The following SLTM variants were observed in gnomAD, a reference collection of about 807,000 sequenced individuals.
SLTM encodes the protein SAFB like transcription modulator, also known as SAFB-like transcription modulator.
In SLTM, 43 loss-of-function variants were observed where a neutral mutation model predicts 134.6. That is an observed-to-expected ratio of 0.32 (90% confidence interval 0.25 to 0.41). SLTM has a LOEUF of 0.41. Ranked by LOEUF, SLTM falls within the 10% of genes least tolerant of loss-of-function variation. The probability of loss-of-function intolerance (pLI) is 1.00; values close to 1 mark genes in which losing one functional copy is unlikely to be tolerated. For missense variants in SLTM, 1,055 were observed against 1,288.8 expected, an observed-to-expected ratio of 0.82 and a Z score of 2.78; for synonymous variants, 424 against 432.3, an observed-to-expected ratio of 0.98 and a Z score of 0.24.
intron 1 of SLTM, among the ~76,000 whole-genome samples, chr15:58,932,826 TC>T (rs1196187369): frequency 9.8e-5 from 15 of 152,306 alleles, no homozygotes; most frequent in African/African-American, 3.6e-4. Flanking sequence ...ATTCCAACGC[TC>T]ACTCAAACCA....
intron 19 of SLTM, among the ~76,000 whole-genome samples, chr15:58,886,330 C>T (rs1486027020): frequency 6.7e-6 from 1 of 149,094 alleles, no homozygotes; most frequent in East Asian, 2.0e-4. Context: ...GCAGTGGCAC[C>T]ATCTTGGCTC....
At position 58,933,575 on chromosome 15, in the gene SLTM, G is replaced by C. The variant is rs764407403; in HGVS notation, c.-10C>G. On this transcript the variant is annotated 5_prime_UTR_variant, in exon 1 of 21. Transcript: ENST00000380516. Reference sequence around the variant, plus strand: ...CGGTAGCGGCAGCCATCTTAGAAGAGCAGCGCGCTGCCGAGGCAGCGAGTG... The same window carrying C: ...CGGTAGCGGCAGCCATCTTAGAAGACCAGCGCGCTGCCGAGGCAGCGAGTG... 2 of 1,571,040 alleles carry C rather than the reference G, an allele frequency of 1.3e-6. No homozygotes were observed. Among genetic ancestry groups the C allele is most frequent in the Admixed American group, 1.8e-5 (1 of 54,862 alleles).
chr15:58,895,521 G>T (rs1185679890), intron 9 of SLTM, among the ~76,000 whole-genome samples: 3 of 152,266 alleles, frequency 2.0e-5, no homozygotes, highest in South Asian at 2.1e-4. Context: ...ACATAAAGCT[G>T]GGAAGAAGTA....
chr15:58,896,554 G>C (rs1347171825), intron 9 of SLTM, among the ~76,000 whole-genome samples: 2 of 151,536 alleles, frequency 1.3e-5, no homozygotes, highest in African/African-American at 4.8e-5. Flanking sequence ...CAGTGAGACT[G>C]TGTCTCAAAA....
intron 3 of SLTM, among the ~76,000 whole-genome samples, chr15:58,914,990 G>A (rs1488834854): frequency 4.6e-5 from 7 of 152,124 alleles, no homozygotes; most frequent in African/African-American, 1.7e-4. Flanking sequence ...TCAGGAGTTC[G>A]AGGCCAGCCT....
intron 5 of SLTM, among the ~76,000 whole-genome samples, chr15:58,906,887 G>A (rs1342132283): frequency 6.6e-6 from 1 of 152,170 alleles, no homozygotes; most frequent in African/African-American, 2.4e-5. Context: ...AAGTACGATA[G>A]AACTCAGAAA....
chr15:58,914,880 A>G (rs1036154450), intron 3 of SLTM, among the ~76,000 whole-genome samples: 3 of 152,154 alleles, frequency 2.0e-5, no homozygotes, highest in Admixed American at 2.0e-4. Flanking sequence ...TAAACTGAAG[A>G]TATCTTTACA....
At chr15:58,919,204 C>T (rs769531429) in intron 2 of SLTM, among the ~76,000 whole-genome samples, 5 of 152,212 alleles carry the variant, frequency 3.3e-5, no homozygotes, top group African/African-American at 4.8e-5. Context: ...TGAGCCACCA[C>T]GCCCAGATAA....
intron 2 of SLTM, chr15:58,921,668 G>A (rs533725359): frequency 1.4e-4 from 44 of 310,816 alleles, no homozygotes; most frequent in Non-Finnish European, 2.1e-4. Flanking sequence ...CAAAAAAAAT[G>A]AAATCTCACA....
intron 3 of SLTM, 134 bp downstream of exon 3, chr15:58,916,801 T>C (rs1484747786): frequency 1.1e-5 from 7 of 613,264 alleles, no homozygotes; most frequent in African/African-American, 5.6e-5. Flanking sequence ...ATATTAAACG[T>C]TGTCAATATT....
At chr15:58,883,515 G>C (rs2033912620) in intron 20 of SLTM, 111 bp downstream of exon 20, 1 of 1,401,522 alleles carries the variant, frequency 7.1e-7, no homozygotes, top group Non-Finnish European at 9.9e-7. Flanking sequence ...TGTTCAGGCA[G>C]ATCTAGGGTT....
intron 1 of SLTM, among the ~76,000 whole-genome samples, chr15:58,932,808 C>G (rs1342447627): frequency 6.6e-6 from 1 of 152,224 alleles, no homozygotes; most frequent in Admixed American, 6.5e-5. Context: ...TACTGCTCCT[C>G]TGCTACAATT....
chr15:58,880,702 C>T (rs377041648), intron 20 of SLTM, among the ~76,000 whole-genome samples: 2 of 152,156 alleles, frequency 1.3e-5, no homozygotes, highest in African/African-American at 2.4e-5. Context: ...GTAGCTAGGA[C>T]TACAGGCAAG....
Position 58,933,558 on chromosome 15 carries a change from G to T in SLTM, c.8C>A (p.Ala3Asp), listed in dbSNP as rs1223405389. The change falls in exon 1 of 21, where the codon GCC becomes GAC. Residue 3 changes from alanine to aspartate, a missense_variant. This residue lies in a region of SLTM where 268 missense variants were observed against 284.3 expected (regional missense o/e 0.94). Transcript: ENST00000380516. Reference sequence around the variant, plus strand: ...CGAGGCTGCCACCGCACCGGTAGCGGCAGCCATCTTAGAAGAGCAGCGCGC... The same window carrying T: ...CGAGGCTGCCACCGCACCGGTAGCGTCAGCCATCTTAGAAGAGCAGCGCGC... Reference protein sequence around the residue: MAAATGAVAASAA... With the variant: MADATGAVAASAA... 1.9e-6 allele frequency: 3 copies of T among 1,592,648 alleles called. No individual in the cohort carries two copies.
chr15:58,885,750 T>C (rs1483864277), intron 19 of SLTM, among the ~76,000 whole-genome samples: 3 of 152,084 alleles, frequency 2.0e-5, no homozygotes, highest in East Asian at 1.9e-4. Flanking sequence ...CACCACGGCA[T>C]GTCAGCCTGT....
intron 3 of SLTM, among the ~76,000 whole-genome samples, chr15:58,916,421 G>A (rs556544680): frequency 1.3e-3 from 194 of 152,222 alleles, no homozygotes; most frequent in African/African-American, 2.7e-3. Context: ...TGATCCGCCC[G>A]CCTAGACCTC....
At chr15:58,886,570 T>G (rs1340284499) in intron 19 of SLTM, among the ~76,000 whole-genome samples, 1 of 152,118 alleles carries the variant, frequency 6.6e-6, no homozygotes, top group Non-Finnish European at 1.5e-5. Flanking sequence ...TGAGCCACCA[T>G]GCCCGGCCAA....
At chr15:58,902,971 G>C (rs1352905670) in intron 5 of SLTM, among the ~76,000 whole-genome samples, 3 of 151,300 alleles carry the variant, frequency 2.0e-5, no homozygotes, top group African/African-American at 7.3e-5. Context: ...GTGCGATCTT[G>C]GCTCACTGCA....
intron 2 of SLTM, among the ~76,000 whole-genome samples, chr15:58,929,217 G>A (rs746168249): frequency 2.0e-5 from 3 of 152,186 alleles, no homozygotes; most frequent in Admixed American, 6.5e-5. Flanking sequence ...TTGGGAGGCC[G>A]AGGCGGGAGG....
Sources: allele counts gnomAD v4.1 joint callset (sites outside exome capture counted in the v4.1 genomes callset), GRCh38; gene constraint gnomAD v4.1.1; regional missense constraint gnomAD v4.1.1; transcripts MANE v1.5; gene names NCBI Gene and HGNC (gene_info 2026-07-23, HGNC 2026-07-21).